Variants in CCDC33 observed in about 807,000 individuals in gnomAD.
CCDC33 encodes the protein coiled-coil domain containing 33, also known as coiled-coil domain-containing protein 33.
In CCDC33, 94 loss-of-function variants were observed where a neutral mutation model predicts 91.9. That is an observed-to-expected ratio of 1.02 (90% CI 0.87 to 1.21). The LOEUF (loss-of-function observed/expected upper bound fraction) is 1.21, where lower values mean the gene tolerates loss of function less well. Ranked by LOEUF, CCDC33 falls within the 50% of genes most tolerant of loss-of-function variation. The pLI is 0.00. For synonymous variants in CCDC33, 396 were observed against 374.5 expected (o/e 1.06, Z -0.66); for missense variants, 940 against 935.5 (o/e 1.00, Z -0.06).
chr15:74,205,692 C>CTG (rs1380547008), intron 1 of CCDC33, among the ~76,000 whole-genome samples: 1 of 152,212 alleles, frequency 6.6e-6, no homozygotes, highest in African/African-American at 2.4e-5. Flanking sequence ...TGCCCAGGGG[C>CTG]TGCAGCCAGG....
chr15:74,311,438 CAGACG>C (rs2059991987), intron 11 of CCDC33: 1 of 152,218 alleles, frequency 6.6e-6, no homozygotes, highest in Admixed American at 6.5e-5. Flanking sequence ...GTCATCTAAA[CAGACG>C]AGGCTCTAAT....
At chr15:74,209,136 AC>A (rs778087894) in intron 1 of CCDC33, 33 of 1,308,534 alleles carry the variant, frequency 2.5e-5, no homozygotes, top group Non-Finnish European at 2.9e-5. Context: ...AACCCACCCC[AC>A]CCCCATCTCC....
intron 2 of CCDC33, among the ~76,000 whole-genome samples, chr15:74,253,742 A>T (rs2075779355): frequency 6.6e-6 from 1 of 152,214 alleles, no homozygotes; most frequent in Non-Finnish European, 1.5e-5. Flanking sequence ...GATGCAATAG[A>T]GAGAGGAAGC....
chr15:74,216,455 G>A (rs941281094), upstream of CCDC33, among the ~76,000 whole-genome samples: 5 of 148,928 alleles, frequency 3.4e-5, no homozygotes, highest in Admixed American at 3.4e-4. Context: ...TCTCCCTGGG[G>A]GATCTGAAGA....
At chr15:74,324,606 C>T (rs2060271553) in intron 11 of CCDC33, among the ~76,000 whole-genome samples, 1 of 151,734 alleles carries the variant, frequency 6.6e-6, no homozygotes, top group African/African-American at 2.4e-5. Flanking sequence ...TCCTTGAACC[C>T]CCTCCTCACT....
chr15:74,233,623 A>T (rs2075053241), upstream of CCDC33, among the ~76,000 whole-genome samples: 1 of 152,058 alleles, frequency 6.6e-6, no homozygotes, highest in African/African-American at 2.4e-5. Context: ...AACTGAAGTC[A>T]CTGCCACCCA....
At chr15:74,242,015 G>A (rs1408316692) in intron 1 of CCDC33, among the ~76,000 whole-genome samples, 1 of 152,198 alleles carries the variant, frequency 6.6e-6, no homozygotes, top group Non-Finnish European at 1.5e-5. Flanking sequence ...CTGTTGAGGG[G>A]GTGTGTGGCT....
At chr15:74,211,266 T>G (rs1030038356) in intron 2 of CCDC33, among the ~76,000 whole-genome samples, 1 of 152,070 alleles carries the variant, frequency 6.6e-6, no homozygotes, top group African/African-American at 2.4e-5. Context: ...CTTCTGGGAT[T>G]GAGGGAAGGC....
At chr15:74,309,159 T>C (rs914079759) in intron 11 of CCDC33, among the ~76,000 whole-genome samples, 1 of 152,100 alleles carries the variant, frequency 6.6e-6, no homozygotes, top group African/African-American at 2.4e-5. Flanking sequence ...CCTGAACCCA[T>C]GCATTGTTCC....
chr15:74,297,529 CA>C (rs1404776837), intron 11 of CCDC33, among the ~76,000 whole-genome samples: 1 of 151,942 alleles, frequency 6.6e-6, no homozygotes, highest in Non-Finnish European at 1.5e-5. Flanking sequence ...CCTATCTCTA[CA>C]AAAAATTCAA....
rs375681545 is a variant in CCDC33 at position 74,296,399 on chromosome 15, C to A, written c.1290+451C>A. The stretch of plus-strand genomic sequence containing the variant: ...CAGCACTTTGGGAGGCCAAGGCGGG[C>A]GGGTCACCCGAGGTCGGGAGTTCGA... On this transcript the variant is annotated intron_variant, in intron 11 of 18. Transcript: ENST00000398814. 2.0e-5 allele frequency among the ~76,000 whole-genome samples: 3 copies of A among 152,140 alleles called. No individual in the cohort carries two copies. In the South Asian group the frequency reaches 6.2e-4, roughly 32 times the overall value.
At chr15:74,278,531 G>A (rs992720219) in intron 7 of CCDC33, among the ~76,000 whole-genome samples, 5 of 152,226 alleles carry the variant, frequency 3.3e-5, no homozygotes, top group African/African-American at 9.6e-5. Flanking sequence ...GTTATGGGCC[G>A]ATGGCCATCT....
At chr15:74,310,485 C>T (rs923718871) in intron 11 of CCDC33, among the ~76,000 whole-genome samples, 1 of 149,192 alleles carries the variant, frequency 6.7e-6, no homozygotes, top group Non-Finnish European at 1.5e-5. Context: ...TGCAGTGAGC[C>T]GAGATCAAGC....
chr15:74,271,842 C>A (rs749082863), intron 6 of CCDC33, 48 bp downstream of exon 6: 1 of 1,506,730 alleles, frequency 6.6e-7, no homozygotes, highest in Non-Finnish European at 9.2e-7. Flanking sequence ...GAGCAGAGGG[C>A]AGAGGAGGGG....
chr15:74,330,259 G>C lies in CCDC33; in HGVS notation c.1361G>C (p.Ser454Thr), dbSNP rs2060401096. 6.2e-7 allele frequency: 1 copy of C among 1,613,048 alleles called. No homozygotes were observed. Among genetic ancestry groups the C allele is most frequent in the South Asian group, 1.1e-5 (1 of 91,016 alleles). ...ATCCTGTCTCTGCGGAGACAGGCCA[G>C]CATCCTGGAAGGAGAGAACCGCATA... ...EDILSLRRQA[S>T]ILEGENRILR... is the part of the protein sequence containing the mutation. The change falls in exon 12 of 19, where the codon AGC becomes ACC. Residue 454 changes from serine to threonine, a missense_variant. Transcript: ENST00000398814.
intron 1 of CCDC33, chr15:74,209,275 C>T: frequency 3.1e-6 from 4 of 1,289,642 alleles, no homozygotes; most frequent in Non-Finnish European, 4.3e-6. Flanking sequence ...TCAGAGTCAC[C>T]TCAGTGGAGA....
chr15:74,276,914 C>A (rs1223496745), intron 7 of CCDC33, among the ~76,000 whole-genome samples: 2 of 152,192 alleles, frequency 1.3e-5, no homozygotes, highest in African/African-American at 4.8e-5. Flanking sequence ...CTCCCACAAC[C>A]ACAGCTTGCT....
intron 6 of CCDC33, 40 bp downstream of exon 6, chr15:74,271,834 G>T (rs12148756): frequency 0.052 from 79,642 of 1,536,488 alleles, 2,609 homozygotes; most frequent in African/African-American, 0.14. Flanking sequence ...GGAGGGCAGA[G>T]CAGAGGGCAG....
chr15:74,249,291 C>T (rs1357834508), intron 2 of CCDC33, among the ~76,000 whole-genome samples: 2 of 151,938 alleles, frequency 1.3e-5, no homozygotes, highest in South Asian at 4.2e-4. Flanking sequence ...TCGAGATCAT[C>T]CTAGCTAACA....
Sources: allele counts gnomAD v4.1 joint callset (sites outside exome capture counted in the v4.1 genomes callset), GRCh38; gene constraint gnomAD v4.1.1; transcripts MANE v1.5; gene names NCBI Gene and HGNC (gene_info 2026-07-23, HGNC 2026-07-21).